The following ADAMTS18 variants were observed in gnomAD, a reference collection of about 807,000 sequenced individuals.
The protein encoded by ADAMTS18 is ADAM metallopeptidase with thrombospondin type 1 motif 18.
Under a neutral mutation model 165.9 loss-of-function variants are expected in ADAMTS18, and 157 were observed. The ratio of observed to expected loss-of-function variants is 0.95; its 90% CI spans 0.83 to 1.08. The LOEUF is 1.08. ADAMTS18 is among the 50% of genes least tolerant of loss of function. ADAMTS18 has a pLI of 0.00. For synonymous variants in ADAMTS18, 782 were observed against 578.2 expected (o/e 1.35, Z -5.06); for missense variants, 2,040 against 1,534.0 (o/e 1.33, Z -5.51).
intron 16 of ADAMTS18, among the ~76,000 whole-genome samples, chr16:77,314,624 A>AGTGTGTGTGTGT (rs765802389): frequency 6.5e-4 from 44 of 67,436 alleles, no homozygotes; most frequent in South Asian, 1.3e-3. Flanking sequence ...AAAAAAAAAA[A>AGTGTGTGTGTGT]ATGTGTGTGT....
chr16:77,413,358 G>C lies in ADAMTS18; in HGVS notation c.495+17937C>G, dbSNP rs117911381. On this transcript the variant is annotated intron_variant, in intron 3 of 22. Coordinates refer to ENST00000282849, the MANE Select transcript of ADAMTS18 (RefSeq NM_199355.4). ...TGGAAGAAACCACCTCTAGGGTAGA[G>C]TGCAGAAAAACCTTACTCCTGGGGT... Among the ~76,000 whole-genome samples the C allele has an allele frequency of 7.1e-3, 1,080 of 152,306 alleles. 7 individuals are homozygous for C. Among genetic ancestry groups the C allele is most frequent in the Non-Finnish European group, 0.011 (769 of 68,034 alleles).
intron 3 of ADAMTS18, among the ~76,000 whole-genome samples, chr16:77,378,334 CAAAAACAAAAAAAAACAAA>C (rs1567526022): frequency 1.5e-5 from 1 of 67,536 alleles, no homozygotes; most frequent in Non-Finnish European, 2.9e-5. Flanking sequence ...AAAACAAAAA[CAAAAACAAAAAAAAACAAA>C]AAAAAAAAAA....
intron 17 of ADAMTS18, among the ~76,000 whole-genome samples, chr16:77,298,341 G>C (rs2055515552): frequency 6.6e-6 from 1 of 152,102 alleles, no homozygotes; most frequent in African/African-American, 2.4e-5. Context: ...TCCCCAAATA[G>C]AGATGCTGCC....
rs1354411679 is a variant in ADAMTS18 at position 77,416,802 on chromosome 16, G to T, written c.495+14493C>A. Reference sequence around the variant, plus strand: ...CACTATGAGAAGAATAGACTAAAGGGACAGAAGAGATGAAAGAGTCATTAG... The same window carrying T: ...CACTATGAGAAGAATAGACTAAAGGTACAGAAGAGATGAAAGAGTCATTAG... On this transcript the variant is annotated intron_variant, in intron 3 of 22. Coordinates refer to ENST00000282849, the MANE Select transcript of ADAMTS18 (RefSeq NM_199355.4). Among the ~76,000 whole-genome samples, 4 of 152,276 alleles carry T rather than the reference G, an allele frequency of 2.6e-5. No homozygotes were observed. The South Asian group carries it at 6.2e-4, about 24-fold the overall frequency.
At chr16:77,344,305 T>C (rs1425037610) in intron 10 of ADAMTS18, among the ~76,000 whole-genome samples, 2 of 151,922 alleles carry the variant, frequency 1.3e-5, no homozygotes, top group Non-Finnish European at 2.9e-5. Context: ...ACGTGTACCA[T>C]TCCCAAATCT....
At chr16:77,383,569 A>T (rs1036705280) in intron 3 of ADAMTS18, among the ~76,000 whole-genome samples, 1 of 151,846 alleles carries the variant, frequency 6.6e-6, no homozygotes, top group Admixed American at 6.6e-5. Context: ...TTGGAGACAG[A>T]GTCTCCCTCT....
At chr16:77,332,828 G>T (rs1334510088) in intron 12 of ADAMTS18, among the ~76,000 whole-genome samples, 4 of 152,224 alleles carry the variant, frequency 2.6e-5, no homozygotes, top group African/African-American at 9.6e-5. Context: ...AGTTGTCACA[G>T]TGGGACTTTC....
rs560815791 is a variant in ADAMTS18, at chr16:77,430,211, G to T, written c.495+1084C>A. ...TATAGTCATGTGTGCACACACAGGGGCATGTAACCATGTTATAATATATAG... is the reference window on the plus strand; with the variant it reads ...TATAGTCATGTGTGCACACACAGGGTCATGTAACCATGTTATAATATATAG... On this transcript the variant is annotated intron_variant, in intron 3 of 22. Coordinates refer to ENST00000282849, the MANE Select transcript of ADAMTS18 (RefSeq NM_199355.4). Among the ~76,000 whole-genome samples, 48 of 152,282 alleles carry T rather than the reference G, an allele frequency of 3.2e-4. 1 individual carries two copies. The highest frequency in any genetic ancestry group is 1.1e-3 in the African/African-American group (46 of 41,566).
intron 3 of ADAMTS18, among the ~76,000 whole-genome samples, chr16:77,382,541 A>C (rs891399718): frequency 1.3e-5 from 2 of 152,184 alleles, no homozygotes; most frequent in African/African-American, 2.4e-5. Context: ...CAGATACTGA[A>C]GCTACATGAC....
At chr16:77,367,200 G>C (rs896125764) in intron 4 of ADAMTS18, among the ~76,000 whole-genome samples, 1 of 152,056 alleles carries the variant, frequency 6.6e-6, no homozygotes, top group Non-Finnish European at 1.5e-5. Flanking sequence ...TGGGACCTAT[G>C]GCATGAAAGT....
At chr16:77,432,969 CTT>C (rs1234270452) in intron 2 of ADAMTS18, among the ~76,000 whole-genome samples, 7 of 152,114 alleles carry the variant, frequency 4.6e-5, no homozygotes, top group African/African-American at 1.7e-4. Context: ...CATTTTTCTT[CTT>C]GACTCCCTCC....
At chr16:77,417,021 C>T (rs2057539433) in intron 3 of ADAMTS18, among the ~76,000 whole-genome samples, 1 of 152,136 alleles carries the variant, frequency 6.6e-6, no homozygotes, top group Non-Finnish European at 1.5e-5. Context: ...GCTTACATTG[C>T]TTGCCCTTTA....
chr16:77,326,347 A>C (rs548560835), intron 12 of ADAMTS18, among the ~76,000 whole-genome samples: 1 of 152,274 alleles, frequency 6.6e-6, no homozygotes, highest in South Asian at 2.1e-4. Flanking sequence ...CATTCTGTTC[A>C]TTTCCTTAAA....
At chr16:77,413,520 C>A (rs1396613131) in intron 3 of ADAMTS18, among the ~76,000 whole-genome samples, 1 of 152,102 alleles carries the variant, frequency 6.6e-6, no homozygotes, top group African/African-American at 2.4e-5. Context: ...GACCTCAAGT[C>A]AGATACAATT....
intron 3 of ADAMTS18, among the ~76,000 whole-genome samples, chr16:77,385,576 A>C (rs1019132268): frequency 6.6e-6 from 1 of 152,114 alleles, no homozygotes; most frequent in Non-Finnish European, 1.5e-5. Flanking sequence ...CAAGCTCTCC[A>C]CCCAACCCTG....
intron 13 of ADAMTS18, among the ~76,000 whole-genome samples, chr16:77,323,279 A>T (rs903918237): frequency 4.6e-5 from 7 of 152,196 alleles, no homozygotes; most frequent in African/African-American, 1.4e-4. Flanking sequence ...CCCTAACAAC[A>T]GTTTTACAAA....
intron 3 of ADAMTS18, among the ~76,000 whole-genome samples, chr16:77,397,001 G>T (rs755907857): frequency 6.6e-6 from 1 of 151,900 alleles, no homozygotes; most frequent in Non-Finnish European, 1.5e-5. Flanking sequence ...TAGAGCTAAG[G>T]TTTCACCATG....
In ADAMTS18 at chr16:77,283,853, C is replaced by T; in HGVS notation, c.*103G>A. The T allele has an allele frequency of 2.2e-6, 2 of 897,608 alleles. No homozygotes were observed. The highest frequency in any genetic ancestry group is 3.7e-6 in the Non-Finnish European group (2 of 541,990). The allele number at this position is 897,608 out of a possible 1,614,324, so 55.6% of individuals were successfully genotyped here. On this transcript the variant is annotated 3_prime_UTR_variant, in exon 23 of 23. Coordinates refer to ENST00000282849, the MANE Select transcript of ADAMTS18 (RefSeq NM_199355.4). Reference sequence around the variant, plus strand: ...GCTCCTTCATCACAGCGGCAGCTCACAGATGGTTCTCGGTGCTCAGCTCCT... The same window carrying T: ...GCTCCTTCATCACAGCGGCAGCTCATAGATGGTTCTCGGTGCTCAGCTCCT...
chr16:77,377,523 T>G (rs2056970247), intron 3 of ADAMTS18, among the ~76,000 whole-genome samples: 1 of 152,250 alleles, frequency 6.6e-6, no homozygotes, highest in Non-Finnish European at 1.5e-5. Flanking sequence ...AAGCATATCT[T>G]AAAGAAGTAT....
Sources: allele counts gnomAD v4.1 joint callset (sites outside exome capture counted in the v4.1 genomes callset), GRCh38; gene constraint gnomAD v4.1.1; transcripts MANE v1.5; gene names NCBI Gene and HGNC (gene_info 2026-07-23, HGNC 2026-07-21).